TRPS1: variants seen among roughly 807,000 people sequenced by gnomAD.
The protein encoded by TRPS1 is transcriptional repressor GATA binding 1.
A neutral mutation model predicts 101.2 loss-of-function variants in TRPS1; 6 were observed. The ratio of observed to expected loss-of-function variants is 0.06; its 90% CI spans 0.03 to 0.12. The LOEUF is 0.12. Among genes scored for constraint, TRPS1 ranks in the 10% least tolerant of loss-of-function variants. The pLI is 1.00. For synonymous variants in TRPS1, 578 were observed against 589.8 expected, an observed-to-expected ratio of 0.98 and a Z score of 0.29; for missense variants, 1,363 against 1,567.0, an observed-to-expected ratio of 0.87 and a Z score of 2.20.
chr8:115,472,822 T>C (rs577411500), intron 5 of TRPS1, among the ~76,000 whole-genome samples: 1 of 152,320 alleles, frequency 6.6e-6, no homozygotes, highest in East Asian at 1.9e-4. Context: ...CACAGATCTC[T>C]AGGGCTGGGG....
chr8:115,594,022 A>G (rs1388041362), intron 4 of TRPS1, among the ~76,000 whole-genome samples: 1 of 152,146 alleles, frequency 6.6e-6, no homozygotes, highest in Non-Finnish European at 1.5e-5. Flanking sequence ...TATCTGCTTA[A>G]TAACAAAGAA....
chr8:115,528,489 C>T (rs796108624), intron 5 of TRPS1, among the ~76,000 whole-genome samples: 16 of 152,130 alleles, frequency 1.1e-4, no homozygotes, highest in African/African-American at 3.4e-4. Context: ...AAGGAAGCCA[C>T]ATTTTTATTT....
chr8:115,585,652 G>A (rs1446245660), intron 5 of TRPS1, among the ~76,000 whole-genome samples: 14 of 152,174 alleles, frequency 9.2e-5, no homozygotes, highest in Non-Finnish European at 8.8e-5. Flanking sequence ...GCAGCTCCAT[G>A]TATATTCACT....
intron 5 of TRPS1, among the ~76,000 whole-genome samples, chr8:115,443,206 G>C (rs1813651828): frequency 6.6e-6 from 1 of 151,874 alleles, no homozygotes; most frequent in South Asian, 2.1e-4. Flanking sequence ...GAAGGCAAAG[G>C]CTGCAGTGAG....
At chr8:115,420,044 C>A (rs904275803) in intron 5 of TRPS1, among the ~76,000 whole-genome samples, 1 of 152,126 alleles carries the variant, frequency 6.6e-6, no homozygotes, top group Non-Finnish European at 1.5e-5. Flanking sequence ...CTAACAATTG[C>A]CCTTTTAAAC....
chr8:115,485,737 C>G (rs1032885800), intron 5 of TRPS1, among the ~76,000 whole-genome samples: 1 of 152,036 alleles, frequency 6.6e-6, no homozygotes, highest in Non-Finnish European at 1.5e-5. Flanking sequence ...TTTGAAAACC[C>G]AAGTTACAAT....
intron 1 of TRPS1, among the ~76,000 whole-genome samples, chr8:115,639,812 G>A (rs1332456738): frequency 2.6e-5 from 4 of 152,210 alleles, no homozygotes; most frequent in African/African-American, 9.6e-5. Context: ...TTGGGGAACA[G>A]AGTGAGACCC....
In TRPS1 at chr8:115,456,238, G is replaced by A. The variant is rs578227836; in HGVS notation, c.2701-37786C>T. Among the ~76,000 whole-genome samples the A allele has an allele frequency of 1.2e-4, 19 of 152,206 alleles. No individual in the cohort carries two copies. The South Asian group carries it at 3.7e-3, about 30-fold the overall frequency. Reference sequence around the variant, plus strand: ...TATAAAGTGGAGAAGTAAAAATTAGGTAAATTACGCAACGTGTCAAGAACC... The same window carrying A: ...TATAAAGTGGAGAAGTAAAAATTAGATAAATTACGCAACGTGTCAAGAACC... On this transcript the variant is annotated intron_variant, in intron 5 of 6. Coordinates refer to ENST00000395715, the MANE Select transcript of TRPS1 (RefSeq NM_014112.5).
At chr8:115,649,713 C>T (rs919854646) in intron 1 of TRPS1, among the ~76,000 whole-genome samples, 15 of 152,328 alleles carry the variant, frequency 9.8e-5, no homozygotes, top group African/African-American at 3.4e-4. Context: ...CTACACGCAG[C>T]TCATTTCTAT....
rs1172373576 is a variant in TRPS1, at chr8:115,604,895, G to A, written c.1074C>T (p.Asn358=). The A allele has an allele frequency of 1.2e-6, 2 of 1,613,952 alleles. No homozygotes were observed. The highest frequency in any genetic ancestry group is 8.5e-7 in the Non-Finnish European group (1 of 1,179,984). The change falls in exon 4 of 7, where the codon AAC becomes AAT. Residue 358 remains asparagine (N), a synonymous_variant. Coordinates refer to ENST00000395715, the MANE Select transcript of TRPS1 (RefSeq NM_014112.5). This position sits in a 1 kb window ranked among gnomAD's most constrained non-coding sequence, Gnocchi z 4.1. ...CKFCNFTYMG[N]SSTELEQHFL... is the part of the protein sequence containing the mutation. ...AATGTTGTTCTAATTCGGTGGATGA[G>A]TTGCCCATATAAGTGAAATTGCAGA...
intron 5 of TRPS1, among the ~76,000 whole-genome samples, chr8:115,448,302 C>T (rs900887401): frequency 4.6e-5 from 7 of 152,036 alleles, no homozygotes; most frequent in African/African-American, 9.7e-5. Flanking sequence ...TGACAAAATT[C>T]GAGAAGAGGA....
At position 115,581,754 on chromosome 8, in the gene TRPS1, G is replaced by A. The variant is rs182719707; in HGVS notation, c.2700+5247C>T. On this transcript the variant is annotated intron_variant, in intron 5 of 6. Coordinates refer to ENST00000395715, the MANE Select transcript of TRPS1 (RefSeq NM_014112.5). ...AGAAAAAGCTACTTCACTTTTACAC[G>A]GTAAAACAGAACTGTCATGTTCACT... Among the ~76,000 whole-genome samples the A allele has an allele frequency of 1.5e-4, 23 of 152,094 alleles. 1 individual carries two copies. Among genetic ancestry groups the A allele is most frequent in the Admixed American group, 6.5e-5 (1 of 15,280 alleles).
At chr8:115,535,732 T>A (rs12677858) in intron 5 of TRPS1, among the ~76,000 whole-genome samples, 92,383 of 150,322 alleles carry the variant, frequency 0.61, 28,866 homozygotes, top group East Asian at 0.84. Flanking sequence ...ATATGCTAAG[T>A]TTTTTCATAT....
chr8:115,496,823 T>C (rs550063166), intron 5 of TRPS1, among the ~76,000 whole-genome samples: 3 of 152,332 alleles, frequency 2.0e-5, no homozygotes, highest in South Asian at 4.1e-4. Flanking sequence ...GTTAGCAGTT[T>C]TCTACATTTG....
chr8:115,478,569 C>A (rs555965510), intron 5 of TRPS1, among the ~76,000 whole-genome samples: 2 of 151,976 alleles, frequency 1.3e-5, no homozygotes, highest in East Asian at 3.9e-4. Flanking sequence ...TTTGGGAGGT[C>A]GAGGCAGGTG....
Position 115,431,190 on chromosome 8 carries a change from TTTTC to T in TRPS1, c.2701-12742_2701-12739del, listed in dbSNP as rs556133960. ...TGAGGCATTCAGAGATCATTAAATT[TTTTC>T]TTTCTCTCTTAATTTCAGAAGAGAT... On this transcript the variant is annotated intron_variant, in intron 5 of 6. Coordinates refer to ENST00000395715, the MANE Select transcript of TRPS1 (RefSeq NM_014112.5). Among the ~76,000 whole-genome samples, 33 of 152,154 alleles carry T rather than the reference TTTTC, an allele frequency of 2.2e-4. 1 individual carries two copies. Among genetic ancestry groups the T allele is most frequent in the Admixed American group, 2.0e-3 (30 of 15,282 alleles).
chr8:115,560,699 T>C (rs3802221), intron 5 of TRPS1, among the ~76,000 whole-genome samples: 97,375 of 151,960 alleles, frequency 0.64, 31,664 homozygotes, highest in East Asian at 0.83. Flanking sequence ...ACTGGATGAA[T>C]GGCCTGGAGT....
Position 115,616,921 on chromosome 8 carries a change from A to G in TRPS1, c.966+2211T>C, listed in dbSNP as rs991714415. On this transcript the variant is annotated intron_variant, in intron 3 of 6. Transcript: ENST00000395715. ...AAAAGGAAATTTCAGATGCGTTTTT[A>G]TTCATTTTATGCATATAGAAAAACT... Among the ~76,000 whole-genome samples, 92 of 152,184 alleles carry G rather than the reference A, an allele frequency of 6.0e-4. 1 individual carries two copies. Among genetic ancestry groups the G allele is most frequent in the African/African-American group, 2.1e-3 (88 of 41,440 alleles).
At position 115,519,230 on chromosome 8, in the gene TRPS1, A is replaced by T. The variant is rs139268250; in HGVS notation, c.2700+67771T>A. On this transcript the variant is annotated intron_variant, in intron 5 of 6. Coordinates refer to ENST00000395715, the MANE Select transcript of TRPS1 (RefSeq NM_014112.5). Reference sequence around the variant, plus strand: ...TTTAAAAAAATGACATTTTAGTTATAAAGGCACGCATTGTGAAAAACTAAG... The same window carrying T: ...TTTAAAAAAATGACATTTTAGTTATTAAGGCACGCATTGTGAAAAACTAAG... Among the ~76,000 whole-genome samples, 3 of 151,946 alleles carry T rather than the reference A, an allele frequency of 2.0e-5. No homozygotes were observed. The East Asian group carries it at 5.8e-4, about 29-fold the overall frequency.
Sources: allele counts gnomAD v4.1 joint callset (sites outside exome capture counted in the v4.1 genomes callset), GRCh38; gene constraint gnomAD v4.1.1; non-coding constraint Gnocchi (gnomAD v3.1); transcripts MANE v1.5; gene names NCBI Gene and HGNC (gene_info 2026-07-23, HGNC 2026-07-21).